The following ERO1B variants were observed in gnomAD, a reference collection of about 807,000 sequenced individuals.
ERO1B encodes endoplasmic reticulum oxidoreductase 1 beta, also known as ERO1-like protein beta.
ERO1B carries 49 observed loss-of-function variants against 75.3 expected under a neutral mutation model. The ratio of observed to expected loss-of-function variants is 0.65; its 90% CI spans 0.52 to 0.83. ERO1B has a LOEUF of 0.83. ERO1B is among the 40% of genes least tolerant of loss of function. ERO1B has a pLI of 0.00. For synonymous variants in ERO1B, 191 were observed against 192.9 expected, an observed-to-expected ratio of 0.99 and a Z score of 0.08; for missense variants, 512 against 560.1, an observed-to-expected ratio of 0.91 and a Z score of 0.87.
At chr1:236,220,096 T>C (rs1664101852) in intron 15 of ERO1B, 1 of 150,776 alleles carries the variant, frequency 6.6e-6, no homozygotes, top group Admixed American at 6.6e-5. Flanking sequence ...TAACTGCTTC[T>C]TTTTAACTTA....
At chr1:236,242,628 A>G (rs1226913412) in intron 6 of ERO1B, among the ~76,000 whole-genome samples, 2 of 152,108 alleles carry the variant, frequency 1.3e-5, no homozygotes, top group Admixed American at 1.3e-4. Context: ...AAAGCAGAGC[A>G]TTCTAGATAC....
At chr1:236,237,039 T>G (rs188876441) in intron 6 of ERO1B, among the ~76,000 whole-genome samples, 8 of 152,128 alleles carry the variant, frequency 5.3e-5, no homozygotes, top group African/African-American at 1.9e-4. Context: ...ACAAACTTGT[T>G]GAAATATTTA....
intron 13 of ERO1B, among the ~76,000 whole-genome samples, chr1:236,224,205 C>A (rs956932976): frequency 1.3e-4 from 20 of 152,248 alleles, no homozygotes; most frequent in African/African-American, 4.3e-4. Context: ...ATTCTTACAC[C>A]AGTTTAGGTC....
In ERO1B at chr1:236,217,740, G is replaced by A. The variant is rs976809260; in HGVS notation, c.*776C>T. 1 of 152,350 alleles carries A rather than the reference G, an allele frequency of 6.6e-6. No individual in the cohort carries two copies. The highest frequency in any genetic ancestry group is 1.9e-4 in the East Asian group (1 of 5,196). 9.4% of individuals were successfully genotyped at this position (152,350 alleles called of 1,614,324 possible). On this transcript the variant is annotated 3_prime_UTR_variant, in exon 16 of 16. Transcript: ENST00000354619. The stretch of plus-strand genomic sequence containing the variant: ...TGTCCCTAAAATTTCTAGGGGCAGA[G>A]AAAAGCAAAATCAAAAGGAGTTCTA...
intron 1 of ERO1B, among the ~76,000 whole-genome samples, chr1:236,272,900 G>A (rs761319780): frequency 1.2e-4 from 19 of 152,006 alleles, no homozygotes; most frequent in Non-Finnish European, 2.2e-4. Flanking sequence ...ATGATGATGA[G>A]GTTTGTAGCA....
chr1:236,253,448 C>T lies in ERO1B; in HGVS notation c.280G>A (p.Asp94Asn), dbSNP rs1572055659. The change falls in exon 3 of 16, where the codon GAC becomes AAC. Residue 94 changes from aspartate (D) to asparagine (N), a missense_variant. Coordinates refer to ENST00000354619, the MANE Select transcript of ERO1B (RefSeq NM_019891.4). ...WAEDGHCSIK[D>N]CHVEPCPESK... ...TCTGGACAGGGCTCCACATGACAGT[C>T]TTTTATTGAACAGTGGCCATCTTCT... 2 of 1,610,536 alleles carry T rather than the reference C, an allele frequency of 1.2e-6. No individual in the cohort carries two copies. The highest frequency in any genetic ancestry group is 1.1e-5 in the South Asian group (1 of 90,494).
intron 2 of ERO1B, 126 bp downstream of exon 2, chr1:236,269,749 A>T (rs920893434): frequency 2.1e-5 from 15 of 709,152 alleles, no homozygotes; most frequent in Non-Finnish European, 3.2e-5. Context: ...ACTGCAATAC[A>T]TAATAAATTC....
chr1:236,230,049 A>G (rs191793010), intron 10 of ERO1B, among the ~76,000 whole-genome samples, 175 bp downstream of exon 10: 5 of 152,176 alleles, frequency 3.3e-5, no homozygotes, highest in Non-Finnish European at 5.9e-5. Context: ...GCTGACCACT[A>G]TCTTCAAACT....
intron 10 of ERO1B, 22 bp from the exon 11 acceptor site, chr1:236,226,761 A>G: frequency 2.6e-6 from 4 of 1,553,408 alleles, no homozygotes; most frequent in Non-Finnish European, 3.5e-6. Context: ...AATATTGAAA[A>G]AGAAATTACA....
chr1:236,254,613 A>AT (rs1019601702), intron 2 of ERO1B, among the ~76,000 whole-genome samples: 21 of 149,238 alleles, frequency 1.4e-4, no homozygotes, highest in South Asian at 1.1e-3. Context: ...CAAGATCTTT[A>AT]TTTTTTTTTT....
chr1:236,264,487 T>A (rs923802121), intron 2 of ERO1B, among the ~76,000 whole-genome samples: 2 of 152,088 alleles, frequency 1.3e-5, no homozygotes, highest in African/African-American at 2.4e-5. Context: ...CACTTATTAG[T>A]AGGAGGTAAA....
intron 6 of ERO1B, among the ~76,000 whole-genome samples, chr1:236,240,321 A>C (rs1664668696): frequency 6.6e-6 from 1 of 152,206 alleles, no homozygotes; most frequent in Non-Finnish European, 1.5e-5. Flanking sequence ...TTCCTAACTC[A>C]TATATCTCTT....
At chr1:236,264,068 T>C (rs2102962818) in intron 2 of ERO1B, among the ~76,000 whole-genome samples, 2 of 152,314 alleles carry the variant, frequency 1.3e-5, no homozygotes, top group Middle Eastern at 6.8e-3. Context: ...TTATTGATTC[T>C]TTTGCATTTT....
intron 2 of ERO1B, among the ~76,000 whole-genome samples, chr1:236,255,568 A>G (rs758341187): frequency 2.0e-5 from 3 of 152,198 alleles, no homozygotes; most frequent in Non-Finnish European, 4.4e-5. Flanking sequence ...TTAAGTAAAC[A>G]ATATCTATAT....
At chr1:236,276,223 T>C (rs28654260) in intron 1 of ERO1B, among the ~76,000 whole-genome samples, 3 of 152,230 alleles carry the variant, frequency 2.0e-5, no homozygotes, top group Non-Finnish European at 4.4e-5. Context: ...CTATTAATCC[T>C]CCAAGTGGAG....
intron 4 of ERO1B, among the ~76,000 whole-genome samples, 190 bp downstream of exon 4, chr1:236,251,860 A>G (rs927442506): frequency 6.6e-6 from 1 of 152,200 alleles, no homozygotes; most frequent in Non-Finnish European, 1.5e-5. Flanking sequence ...GTACTGAAGC[A>G]ATTTCAAAAG....
At chr1:236,244,157 G>A (rs1435908771) in intron 5 of ERO1B, among the ~76,000 whole-genome samples, 1 of 152,130 alleles carries the variant, frequency 6.6e-6, no homozygotes, top group Non-Finnish European at 1.5e-5. Flanking sequence ...GAATACTCAT[G>A]ATGGTAGTAT....
chr1:236,221,869 C>A, intron 14 of ERO1B, 55 bp downstream of exon 14: 1 of 1,324,794 alleles, frequency 7.5e-7, no homozygotes, highest in South Asian at 1.2e-5. Context: ...AGCTTGGACT[C>A]AGTGGAAAAA....
intron 6 of ERO1B, among the ~76,000 whole-genome samples, chr1:236,240,501 G>GA (rs1343874169): frequency 2.0e-5 from 3 of 152,112 alleles, no homozygotes; most frequent in African/African-American, 7.2e-5. Context: ...CAGTCAAGGA[G>GA]AAGCTACAGT....
Sources: gnomAD v4.1 joint callset for allele counts (sites outside exome capture counted in the v4.1 genomes callset) on GRCh38, gnomAD v4.1.1 for gene constraint, MANE v1.5 for transcripts, NCBI Gene and HGNC (gene_info 2026-07-23, HGNC 2026-07-21) for gene names.